NEXN: variants seen among roughly 807,000 people sequenced by gnomAD.
NEXN encodes the protein nexilin.
In NEXN, 65 loss-of-function variants were observed where a neutral mutation model predicts 92.6. That is an observed-to-expected ratio of 0.70 (90% confidence interval 0.57 to 0.86). The LOEUF (loss-of-function observed/expected upper bound fraction) is 0.86, where lower values mean the gene tolerates loss of function less well. Among genes scored for constraint, NEXN ranks in the 40% least tolerant of loss-of-function variants. The pLI, the probability that NEXN is intolerant of heterozygous loss-of-function variation, is 0.00. For missense variants in NEXN, 778 were observed against 771.1 expected (o/e 1.01, Z -0.11); for synonymous variants, 254 against 242.5 (o/e 1.05, Z -0.44).
chr1:77,938,492 T>G (rs973261443), intron 11 of NEXN, among the ~76,000 whole-genome samples: 2 of 147,504 alleles, frequency 1.4e-5, no homozygotes, highest in Non-Finnish European at 3.0e-5. Context: ...CTACTAAAAA[T>G]ACAAAAATTA....
At position 77,942,904 on chromosome 1, in the gene NEXN, T is replaced by C. The variant is rs1287810607; in HGVS notation, c.*75T>C. The C allele has an allele frequency of 1.3e-5, 20 of 1,501,726 alleles. No homozygotes were observed. Among genetic ancestry groups the C allele is most frequent in the Non-Finnish European group, 1.6e-5 (18 of 1,104,882 alleles). The allele number at this position is 1,501,726 out of a possible 1,614,324, so 93.0% of individuals were successfully genotyped here. Reference sequence around the variant, plus strand: ...TTTTCTTCTTCTCTTTTTTAGCTGATGACTACTAGCTCCCCTCCCCTCTCC... The same window carrying C: ...TTTTCTTCTTCTCTTTTTTAGCTGACGACTACTAGCTCCCCTCCCCTCTCC... On this transcript the variant is annotated 3_prime_UTR_variant, in exon 13 of 13. Transcript: ENST00000334785.
intron 5 of NEXN, among the ~76,000 whole-genome samples, chr1:77,922,567 C>T (rs1446119936): frequency 1.3e-5 from 2 of 151,724 alleles, no homozygotes; most frequent in Non-Finnish European, 2.9e-5. Context: ...GCAAATTATT[C>T]TAAATAAAAT....
At position 77,926,631 on chromosome 1, in the gene NEXN, T is replaced by G; in HGVS notation, c.687+20T>G. On this transcript the variant is annotated intron_variant, in intron 7 of 12. Coordinates refer to ENST00000334785, the MANE Select transcript of NEXN (RefSeq NM_144573.4). ...GTTATGGTAAATTTTTGTTTGTTTG[T>G]TTTCTAAGAAACAAATCAAGGCAGT... The G allele has an allele frequency of 6.2e-7, 1 of 1,610,484 alleles. No homozygotes were observed. The highest frequency in any genetic ancestry group is 8.5e-7 in the Non-Finnish European group (1 of 1,179,882).
chr1:77,933,499 C>T lies in NEXN; in HGVS notation c.1251+20C>T, dbSNP rs1650477196. 1 of 1,474,068 alleles carries T rather than the reference C, an allele frequency of 6.8e-7. No individual in the cohort carries two copies. Among genetic ancestry groups the T allele is most frequent in the South Asian group, 1.1e-5 (1 of 86,978 alleles). 91.3% of individuals were successfully genotyped at this position (1,474,068 alleles called of 1,614,324 possible). ...GGAGAGGTAAGATTTTAAGAAATAT[C>T]TATATTCCCCATATTTATTAAGCTA... On this transcript the variant is annotated intron_variant, in intron 10 of 12. Transcript: ENST00000334785.
chr1:77,929,558 T>C (rs1650129691), intron 9 of NEXN, 54 bp downstream of exon 9: 2 of 1,604,880 alleles, frequency 1.2e-6, no homozygotes, highest in Middle Eastern at 2.3e-4. Flanking sequence ...TGAGAATATG[T>C]TAATAGAATC....
intron 8 of NEXN, among the ~76,000 whole-genome samples, chr1:77,927,400 G>A (rs954268256): frequency 1.3e-5 from 2 of 151,984 alleles, no homozygotes; most frequent in African/African-American, 4.8e-5. Flanking sequence ...AATGAACCTG[G>A]TTTCCTTCAT....
chr1:77,917,615 T>G lies in NEXN; in HGVS notation c.77T>G (p.Leu26Arg). 1.2e-6 allele frequency: 2 copies of G among 1,613,538 alleles called. No individual in the cohort carries two copies. Among genetic ancestry groups the G allele is most frequent in the Non-Finnish European group, 1.7e-6 (2 of 1,179,720 alleles). The change falls in exon 3 of 13, where the codon CTT becomes CGT. Residue 26 changes from leucine (L) to arginine (R), a missense_variant. Leu to Arg is a moderately radical substitution (Grantham distance 102). Coordinates refer to ENST00000334785, the MANE Select transcript of NEXN (RefSeq NM_144573.4). ...GTCCCAAAAACCTATGTACCAAAACTTGGCAAGGGTGATGTAAAGGATAAG... is the reference window on the plus strand; with the variant it reads ...GTCCCAAAAACCTATGTACCAAAACGTGGCAAGGGTGATGTAAAGGATAAG... ...KPVPKTYVPK[L>R]GKGDVKDKFE...
chr1:77,931,312 C>T (rs1650280551), intron 9 of NEXN, among the ~76,000 whole-genome samples: 1 of 143,334 alleles, frequency 7.0e-6, no homozygotes, highest in South Asian at 2.2e-4. Flanking sequence ...TACTCAGAGG[C>T]TGAGGCAGGA....
At chr1:77,896,510 G>C (rs1372316727) in intron 1 of NEXN, among the ~76,000 whole-genome samples, 1 of 152,188 alleles carries the variant, frequency 6.6e-6, no homozygotes, top group Non-Finnish European at 1.5e-5. Context: ...GCTCACACCT[G>C]TAATCCCAGC....
rs1189733830 is a variant in NEXN, at chr1:77,929,571, T to TA, written c.1053+68dup. The TA allele has an allele frequency of 1.1e-5, 18 of 1,592,858 alleles. No individual in the cohort carries two copies. The South Asian group carries it at 1.6e-4, about 14-fold the overall frequency. ...TTTGAGAATATGTTAATAGAATCAT[T>TA]AGACTTTAGAGAATACCCTATTATT... On this transcript the variant is annotated intron_variant, in intron 9 of 12. Coordinates refer to ENST00000334785, the MANE Select transcript of NEXN (RefSeq NM_144573.4).
At chr1:77,933,018 G>A (rs1472677826) in intron 9 of NEXN, 5 of 295,344 alleles carry the variant, frequency 1.7e-5, no homozygotes, top group South Asian at 4.0e-5. Flanking sequence ...AAAATTAGCC[G>A]GGCGTGGTGG....
Position 77,925,436 on chromosome 1 carries a change from C to T in NEXN, c.489+207C>T, listed in dbSNP as rs41305872. Among the ~76,000 whole-genome samples, 5,924 of 152,226 alleles carry T rather than the reference C, an allele frequency of 0.039. 165 individuals are homozygous for T. Among genetic ancestry groups the T allele is most frequent in the Non-Finnish European group, 0.06 (4,110 of 68,002 alleles). ...TGTTTTTAAAGAAAAGTATGTTTTG[C>T]TTTCATAGTCAGGTTAGAAAGACAA... On this transcript the variant is annotated intron_variant, in intron 6 of 12. Transcript: ENST00000334785.
chr1:77,895,455 A>G (rs1647213993), intron 1 of NEXN, among the ~76,000 whole-genome samples: 1 of 152,190 alleles, frequency 6.6e-6, no homozygotes, highest in Non-Finnish European at 1.5e-5. Flanking sequence ...AATGATAAAA[A>G]TTTAGGCTCA....
At position 77,942,278 on chromosome 1, in the gene NEXN, G is replaced by A. The variant is rs1324584060; in HGVS notation, c.1659+70G>A. 9 of 1,527,140 alleles carry A rather than the reference G, an allele frequency of 5.9e-6. No homozygotes were observed. The African/African-American group carries it at 6.9e-5, about 12-fold the overall frequency. 94.6% of individuals were successfully genotyped at this position (1,527,140 alleles called of 1,614,324 possible). ...AAACCCATAGTTTTATAATTAGGTA[G>A]GTTAAAAAAATGTTTTAATGGTTTT... is the stretch of plus-strand genomic sequence containing the variant. On this transcript the variant is annotated intron_variant, in intron 12 of 12. Transcript: ENST00000334785.
intron 11 of NEXN, among the ~76,000 whole-genome samples, chr1:77,937,676 G>A (rs1157026744): frequency 1.3e-5 from 2 of 152,058 alleles, no homozygotes; most frequent in African/African-American, 2.4e-5. Context: ...GCGACAGAGC[G>A]AGTCTCCATC....
At chr1:77,908,212 G>A (rs1485269277) in intron 1 of NEXN, among the ~76,000 whole-genome samples, 1 of 152,000 alleles carries the variant, frequency 6.6e-6, no homozygotes, top group Non-Finnish European at 1.5e-5. Flanking sequence ...CAAATAGCTG[G>A]GACTACAAGC....
At chr1:77,904,427 C>T (rs975480114) in intron 1 of NEXN, among the ~76,000 whole-genome samples, 1 of 152,160 alleles carries the variant, frequency 6.6e-6, no homozygotes, top group African/African-American at 2.4e-5. Flanking sequence ...AAATGTTCAA[C>T]AGAAGACTTC....
intron 8 of NEXN, 21 bp downstream of exon 8, chr1:77,926,913 C>G (rs2102125487): frequency 1.1e-5 from 18 of 1,613,240 alleles, no homozygotes; most frequent in Non-Finnish European, 1.4e-5. Flanking sequence ...ATATTTAAAC[C>G]TTACAATTAA....
intron 6 of NEXN, among the ~76,000 whole-genome samples, 154 bp downstream of exon 6, chr1:77,925,383 T>C (rs527394710): frequency 1.3e-5 from 2 of 152,306 alleles, no homozygotes; most frequent in South Asian, 4.1e-4. Context: ...AAGAGCATAC[T>C]TTTGCACTTT....
Sources: allele counts gnomAD v4.1 joint callset (sites outside exome capture counted in the v4.1 genomes callset), GRCh38; gene constraint gnomAD v4.1.1; transcripts MANE v1.5; gene names NCBI Gene and HGNC (gene_info 2026-07-23, HGNC 2026-07-21).